The following C17orf75 variants were observed in gnomAD, a reference collection of about 807,000 sequenced individuals.
C17orf75 encodes chromosome 17 open reading frame 75, also known as protein Njmu-R1.
C17orf75 carries 32 observed loss-of-function variants against 49.6 expected under a neutral mutation model. That is an observed-to-expected ratio of 0.65 (90% CI 0.49 to 0.87). The LOEUF (loss-of-function observed/expected upper bound fraction) is 0.87, where lower values mean the gene tolerates loss of function less well. Ranked by LOEUF, C17orf75 falls within the 40% of genes least tolerant of loss-of-function variation. The probability of loss-of-function intolerance (pLI) is 0.00; values close to 1 mark genes in which losing one functional copy is unlikely to be tolerated. For synonymous variants in C17orf75, 158 were observed against 159.5 expected, an observed-to-expected ratio of 0.99 and a Z score of 0.07; for missense variants, 428 against 473.9, an observed-to-expected ratio of 0.90 and a Z score of 0.90.
upstream of C17orf75, chr17:32,342,351 T>G: frequency 1.5e-6 from 1 of 667,398 alleles, no homozygotes; most frequent in Non-Finnish European, 2.2e-6. Flanking sequence ...ACTGACAAGC[T>G]TTTACCATTT....
intron 1 of C17orf75, 27 bp from the exon 2 acceptor site, chr17:32,341,311 A>G: frequency 6.2e-7 from 1 of 1,612,566 alleles, no homozygotes; most frequent in Non-Finnish European, 8.5e-7. Context: ...CAATAGTGCT[A>G]TCAATTATGG....
upstream of C17orf75, among the ~76,000 whole-genome samples, chr17:32,346,574 T>G (rs1430025747): frequency 6.6e-6 from 1 of 151,834 alleles, no homozygotes; most frequent in Non-Finnish European, 1.5e-5. Context: ...TAACAGCAAT[T>G]TTTTTTTGTT....
chr17:32,342,056 C>G lies in C17orf75; in HGVS notation c.84G>C (p.Arg28=), dbSNP rs143405256. 743 of 1,560,096 alleles carry G rather than the reference C, an allele frequency of 4.8e-4. 8 individuals carry two copies. In the East Asian group the frequency reaches 0.016, roughly 34 times the overall value. ...SSEEGGSAEE[R]RLEPPSSSHY... is the part of the protein sequence containing the mutation. ...GGCTGCTGGACGGCGGCTCGAGTCT[C>G]CGCTCCTCGGCTGAGCCTCCCTCTT... is the stretch of plus-strand genomic sequence containing the variant. Residue 28 remains arginine, a synonymous_variant, in exon 1 of 10, where the codon CGG becomes CGC. Coordinates refer to ENST00000577809, the MANE Select transcript of C17orf75 (RefSeq NM_022344.4).
At chr17:32,332,785 C>T (rs187977806) in intron 9 of C17orf75, among the ~76,000 whole-genome samples, 2 of 152,092 alleles carry the variant, frequency 1.3e-5, no homozygotes, top group African/African-American at 4.8e-5. Flanking sequence ...ACAAACAAAA[C>T]TAAATAAGGT....
At position 32,328,557 on chromosome 17, in the gene C17orf75, T is replaced by C. The variant is rs1198421283; in HGVS notation, c.*3206A>G. The C allele has an allele frequency of 4.6e-5, 7 of 152,226 alleles. No individual in the cohort carries two copies. The highest frequency in any genetic ancestry group is 1.9e-4 in the East Asian group (1 of 5,200). The allele number at this position is 152,226 out of a possible 1,614,324, so 9.4% of individuals were successfully genotyped here. A position where few individuals can be genotyped will look rare whatever the true frequency, so the allele number is the denominator to read the frequency against. The stretch of plus-strand genomic sequence containing the variant: ...CTGTGTGTACAGCACACAAGTAATA[T>C]ACACAAATATATTCCATGTCTGAAC... On this transcript the variant is annotated 3_prime_UTR_variant, in exon 10 of 10. Coordinates refer to ENST00000577809, the MANE Select transcript of C17orf75 (RefSeq NM_022344.4).
intron 1 of C17orf75, among the ~76,000 whole-genome samples, chr17:32,349,438 G>C (rs961266885): frequency 1.3e-5 from 2 of 151,902 alleles, no homozygotes; most frequent in African/African-American, 2.4e-5. Flanking sequence ...AAAATTAGCC[G>C]GGCTTGGTGG....
At chr17:32,343,881 C>A (rs1276937062), upstream of C17orf75, 2 of 678,760 alleles carry the variant, frequency 2.9e-6, no homozygotes, top group Admixed American at 2.0e-5. Flanking sequence ...GGTTGAGTTA[C>A]CACAGTCATG....
exon 1 of C17orf75, chr17:32,349,951 C>T: frequency 1.8e-6 from 2 of 1,136,220 alleles, no homozygotes; most frequent in Non-Finnish European, 2.2e-6. Context: ...CCTGGGGCTC[C>T]GGCTCCTTTA....
intron 3 of C17orf75, among the ~76,000 whole-genome samples, chr17:32,339,178 T>C (rs1284856049): frequency 6.6e-6 from 1 of 151,852 alleles, no homozygotes; most frequent in African/African-American, 2.4e-5. Flanking sequence ...AAGCCTGAAC[T>C]CCATCAATTT....
chr17:32,346,957 C>CT (rs542637232), upstream of C17orf75, among the ~76,000 whole-genome samples: 537 of 145,084 alleles, frequency 3.7e-3, 1 homozygote, highest in African/African-American at 0.012. Context: ...TTCTTTCTTT[C>CT]TTTTTTTTTT....
Position 32,338,330 on chromosome 17 carries a change from A to G in C17orf75, c.369T>C (p.Gly123=). 6.2e-7 allele frequency: 1 copy of G among 1,608,118 alleles called. No homozygotes were observed. The highest frequency in any genetic ancestry group is 8.5e-7 in the Non-Finnish European group (1 of 1,178,548). ...VELKIPGYRV[G]CYYCLFQNEK... is the part of the protein sequence containing the mutation. Reference sequence around the variant, plus strand: ...CATTTTGGAAAAGGCAGTAATAACAACCAACTCGGTAACCTGGAATTCTAG... The same window carrying G: ...CATTTTGGAAAAGGCAGTAATAACAGCCAACTCGGTAACCTGGAATTCTAG... The change falls in exon 4 of 10, where the codon GGT becomes GGC. Residue 123 remains glycine, a synonymous_variant. Coordinates refer to ENST00000577809, the MANE Select transcript of C17orf75 (RefSeq NM_022344.4).
At chr17:32,349,889 A>G (rs965042636) in intron 1 of C17orf75, 4 of 1,048,746 alleles carry the variant, frequency 3.8e-6, no homozygotes, top group Non-Finnish European at 4.6e-6. Flanking sequence ...TGCACTGGCA[A>G]TCTTTTCCGT....
intron 5 of C17orf75, among the ~76,000 whole-genome samples, chr17:32,336,225 C>A (rs1456729275): frequency 6.6e-6 from 1 of 152,042 alleles, no homozygotes; most frequent in Non-Finnish European, 1.5e-5. Context: ...TTTTTGTTTG[C>A]TTTTTTGAGA....
chr17:32,344,144 A>G (rs968460252), upstream of C17orf75: 2 of 536,556 alleles, frequency 3.7e-6, no homozygotes, highest in South Asian at 4.5e-5. Context: ...CTGAAAGCCA[A>G]ATCTCACTCA....
intron 1 of C17orf75, among the ~76,000 whole-genome samples, chr17:32,347,232 A>G (rs1340048709): frequency 6.6e-6 from 1 of 152,062 alleles, no homozygotes; most frequent in Non-Finnish European, 1.5e-5. Context: ...AAGTGCTGGG[A>G]TTACAGGCAT....
intron 9 of C17orf75, among the ~76,000 whole-genome samples, chr17:32,333,019 C>T (rs2041291587): frequency 1.3e-5 from 2 of 152,144 alleles, no homozygotes; most frequent in Non-Finnish European, 2.9e-5. Flanking sequence ...CCATGTTGGC[C>T]AGGCTGGTCT....
chr17:32,347,791 C>T (rs2041436539), intron 1 of C17orf75, among the ~76,000 whole-genome samples: 1 of 152,216 alleles, frequency 6.6e-6, no homozygotes, highest in Admixed American at 6.5e-5. Flanking sequence ...GGTCCCAACT[C>T]TTAATGCTAT....
chr17:32,349,817 T>A, intron 1 of C17orf75: 1 of 651,262 alleles, frequency 1.5e-6, no homozygotes. Flanking sequence ...ACATTTACTG[T>A]TCAATTGAAA....
chr17:32,343,179 C>T (rs142461575), upstream of C17orf75, among the ~76,000 whole-genome samples: 89 of 152,266 alleles, frequency 5.8e-4, 1 homozygote, highest in East Asian at 0.016. Flanking sequence ...CAGATTCTCC[C>T]CTAGAGGCTT....
Sources: allele counts gnomAD v4.1 joint callset (sites outside exome capture counted in the v4.1 genomes callset), GRCh38; gene constraint gnomAD v4.1.1; transcripts MANE v1.5; gene names NCBI Gene and HGNC (gene_info 2026-07-23, HGNC 2026-07-21).